Variants in TOGARAM2 observed in about 807,000 individuals in gnomAD.
TOGARAM2 encodes TOG array regulator of axonemal microtubules protein 2.
Under a neutral mutation model 93.3 loss-of-function variants are expected in TOGARAM2, and 85 were observed. That is an observed-to-expected ratio of 0.91 (90% CI 0.76 to 1.09). The LOEUF (loss-of-function observed/expected upper bound fraction) is 1.09, where lower values mean the gene tolerates loss of function less well. Among genes scored for constraint, TOGARAM2 ranks in the 50% least tolerant of loss-of-function variants. TOGARAM2 has a pLI of 0.00. For missense variants in TOGARAM2, 1,277 were observed against 1,334.5 expected (o/e 0.96, Z 0.67); for synonymous variants, 593 against 552.8 (o/e 1.07, Z -1.02).
chr2:29,050,714 T>C (rs1460658609), intron 19 of TOGARAM2: 1 of 152,202 alleles, frequency 6.6e-6, no homozygotes, highest in African/African-American at 2.4e-5. Context: ...CCAGCACTTA[T>C]CCTTCGGCTG....
intron 2 of TOGARAM2, among the ~76,000 whole-genome samples, chr2:28,996,010 C>A (rs190889245): frequency 6.6e-6 from 1 of 152,326 alleles, no homozygotes; most frequent in Non-Finnish European, 1.5e-5. Flanking sequence ...CCTAGGGAAG[C>A]TGCAGGGCAG....
intron 2 of TOGARAM2, among the ~76,000 whole-genome samples, chr2:28,996,799 CA>C (rs1170607481): frequency 0.02 from 828 of 40,678 alleles, 2 homozygotes; most frequent in South Asian, 0.057. Context: ...GACTCCATCT[CA>C]AAAAAAAAAA....
At chr2:28,968,929 G>T (rs569039921) in intron 1 of TOGARAM2, among the ~76,000 whole-genome samples, 40 of 151,700 alleles carry the variant, frequency 2.6e-4, no homozygotes, top group African/African-American at 9.4e-4. Context: ...AAGAGCCATT[G>T]CCTCTGCTGT....
rs561846357 is a variant in TOGARAM2 at position 29,020,715 on chromosome 2, G to A, written c.1361-1443G>A. 5.9e-5 allele frequency among the ~76,000 whole-genome samples: 9 copies of A among 152,316 alleles called. No individual in the cohort carries two copies. In the East Asian group the frequency reaches 1.2e-3, roughly 20 times the overall value. ...GCTGTATTGCTCGCTCCAGAAGACTGAGCCTCTTTTTGAGAGCGTTGCAGA... is the reference window on the plus strand; with the variant it reads ...GCTGTATTGCTCGCTCCAGAAGACTAAGCCTCTTTTTGAGAGCGTTGCAGA... On this transcript the variant is annotated intron_variant, in intron 10 of 19. Coordinates refer to ENST00000379558, the MANE Select transcript of TOGARAM2 (RefSeq NM_199280.4).
At chr2:28,989,493 G>A (rs567654012) in intron 1 of TOGARAM2, among the ~76,000 whole-genome samples, 5 of 152,016 alleles carry the variant, frequency 3.3e-5, no homozygotes, top group African/African-American at 7.2e-5. Flanking sequence ...AACCTCCTGC[G>A]CTCAAGTGAT....
At chr2:29,010,270 G>A (rs1217398582) in intron 6 of TOGARAM2, among the ~76,000 whole-genome samples, 5 of 152,140 alleles carry the variant, frequency 3.3e-5, no homozygotes, top group Non-Finnish European at 7.4e-5. Context: ...CAGTGGTTAA[G>A]CAGTGGTGGG....
intron 13 of TOGARAM2, 40 bp from the exon 14 acceptor site, chr2:29,026,813 C>T: frequency 6.6e-7 from 1 of 1,520,392 alleles, no homozygotes. Flanking sequence ...TCCCACACCA[C>T]TATCCTGAGA....
intron 1 of TOGARAM2, among the ~76,000 whole-genome samples, chr2:28,972,000 C>G (rs1288166988): frequency 6.6e-6 from 1 of 152,174 alleles, no homozygotes; most frequent in East Asian, 1.9e-4. Flanking sequence ...TACTCTATCC[C>G]TTATTGGAAC....
At chr2:29,002,477 C>T (rs1248739784) in intron 4 of TOGARAM2, 59 bp from the exon 5 acceptor site, 25 of 1,500,828 alleles carry the variant, frequency 1.7e-5, no homozygotes, top group Non-Finnish European at 2.1e-5. Flanking sequence ...GGTCTGAATC[C>T]ACCTTCCACT....
At chr2:29,030,999 C>G (rs369110938) in intron 14 of TOGARAM2, among the ~76,000 whole-genome samples, 6 of 152,176 alleles carry the variant, frequency 3.9e-5, no homozygotes, top group Non-Finnish European at 8.8e-5. Context: ...TTTACTGAGC[C>G]ACCCAAGAGG....
At chr2:29,036,823 C>T (rs1666144379) in intron 18 of TOGARAM2, 66 bp downstream of exon 18, 3 of 1,487,624 alleles carry the variant, frequency 2.0e-6, no homozygotes, top group African/African-American at 2.8e-5. Flanking sequence ...TGGAAATCTG[C>T]AAGGTGGATA....
chr2:28,972,088 T>TATTC (rs960805558), intron 1 of TOGARAM2, among the ~76,000 whole-genome samples: 6 of 152,296 alleles, frequency 3.9e-5, no homozygotes, highest in Admixed American at 3.3e-4. Context: ...TTTATTTATT[T>TATTC]ATTCACATTT....
intron 19 of TOGARAM2, chr2:29,045,664 C>T: frequency 4.2e-6 from 2 of 478,180 alleles, no homozygotes; most frequent in Admixed American, 7.7e-5. Context: ...GGTTGAATCT[C>T]CCTAATCAGA....
rs113810233 is a variant in TOGARAM2, at chr2:29,022,406, G to A, written c.1511+98G>A. 8.4e-3 allele frequency: 12,628 copies of A among 1,511,166 alleles called. 635 individuals carry two copies. In the African/African-American group the frequency reaches 0.12, roughly 15 times the overall value. The allele number at this position is 1,511,166 out of a possible 1,614,324, so 93.6% of individuals were successfully genotyped here. A position where few individuals can be genotyped will look rare whatever the true frequency, so the allele number is the denominator to read the frequency against. Reference sequence around the variant, plus strand: ...TCAACTTCCCTCCTCTCCCACTCTGGGGTTCCAGCACCATGGAGCATAAAA... The same window carrying A: ...TCAACTTCCCTCCTCTCCCACTCTGAGGTTCCAGCACCATGGAGCATAAAA... On this transcript the variant is annotated intron_variant, in intron 11 of 19. Transcript: ENST00000379558.
intron 6 of TOGARAM2, among the ~76,000 whole-genome samples, chr2:29,006,501 G>A (rs1663880752): frequency 6.6e-6 from 1 of 152,092 alleles, no homozygotes; most frequent in Admixed American, 6.5e-5. Context: ...TGGAGTGTGT[G>A]TGCGTGTGCT....
chr2:28,974,191 A>C (rs1412111077), intron 1 of TOGARAM2, among the ~76,000 whole-genome samples: 7 of 146,538 alleles, frequency 4.8e-5, no homozygotes, highest in Non-Finnish European at 1.0e-4. Flanking sequence ...GCAGTGGCAC[A>C]ATCTCAGCTC....
rs371485872 is a variant in TOGARAM2, at chr2:29,017,942, C to T, written c.1346C>T (p.Ala449Val). Residue 449 changes from alanine (A) to valine (V), a missense_variant, in exon 10 of 20, where the codon GCC becomes GTC. By Grantham distance (64) the Ala-to-Val change is moderately conservative. Transcript: ENST00000379558. Reference sequence around the variant, plus strand: ...ATCAGCCGGCAGGAGCCCCGCTTTGCCCGCCACGCCTCAGGTGGGCAGGCC... The same window carrying T: ...ATCAGCCGGCAGGAGCCCCGCTTTGTCCGCCACGCCTCAGGTGGGCAGGCC... ...IPISRQEPRF[A>V]RHASANSLPA... 27 of 1,603,978 alleles carry T rather than the reference C, an allele frequency of 1.7e-5. No individual in the cohort carries two copies. The highest frequency in any genetic ancestry group is 2.1e-5 in the Non-Finnish European group (25 of 1,174,828).
At chr2:29,017,121 A>G (rs756779805) in intron 8 of TOGARAM2, 33 bp from the exon 9 acceptor site, 2 of 1,597,760 alleles carry the variant, frequency 1.3e-6, no homozygotes, top group Admixed American at 3.5e-5. Flanking sequence ...AATGAATGGG[A>G]GGTTAATAGA....
intron 1 of TOGARAM2, among the ~76,000 whole-genome samples, chr2:28,985,206 C>T (rs779684344): frequency 2.6e-5 from 4 of 152,110 alleles, no homozygotes; most frequent in Non-Finnish European, 5.9e-5. Context: ...CTCTGTCTCT[C>T]TCTCTGCCAT....
Sources: allele counts gnomAD v4.1 joint callset (sites outside exome capture counted in the v4.1 genomes callset), GRCh38; gene constraint gnomAD v4.1.1; transcripts MANE v1.5; gene names NCBI Gene and HGNC (gene_info 2026-07-23, HGNC 2026-07-21).